The following FSD1L variants were observed in gnomAD, a reference collection of about 807,000 sequenced individuals.
FSD1L encodes the protein FSD1-like protein.
A neutral mutation model predicts 71.6 loss-of-function variants in FSD1L; 45 were observed. The ratio of observed to expected loss-of-function variants is 0.63; its 90% confidence interval spans 0.49 to 0.81. The LOEUF is 0.81. FSD1L is among the 30% of genes least tolerant of loss of function. FSD1L has a pLI of 0.00. For synonymous variants in FSD1L, 197 were observed against 207.2 expected, an observed-to-expected ratio of 0.95 and a Z score of 0.42; for missense variants, 561 against 618.1, an observed-to-expected ratio of 0.91 and a Z score of 0.98.
At chr9:105,520,254 G>A (rs1022940291) in intron 10 of FSD1L, 83 of 1,602,516 alleles carry the variant, frequency 5.2e-5, no homozygotes, top group Non-Finnish European at 6.6e-5. Context: ...GGAACTGGCT[G>A]AAGAAGATGC....
chr9:105,452,673 T>TGCCTGCCTGCCTGCCTG (rs1564073401), intron 1 of FSD1L, among the ~76,000 whole-genome samples: 10 of 79,716 alleles, frequency 1.3e-4, no homozygotes, highest in African/African-American at 6.4e-4. Context: ...CTGCCTGCCT[T>TGCCTGCCTGCCTGCCTG]CCTTCCTTCC....
intron 13 of FSD1L, among the ~76,000 whole-genome samples, chr9:105,542,272 G>C (rs553689167): frequency 2.6e-5 from 4 of 152,232 alleles, no homozygotes; most frequent in African/African-American, 9.6e-5. Flanking sequence ...GATATTACCA[G>C]ATTTTTTGTT....
chr9:105,533,414 A>ATTT (rs1271918066), intron 10 of FSD1L, among the ~76,000 whole-genome samples: 4 of 13,374 alleles, frequency 3.0e-4, no homozygotes, highest in Non-Finnish European at 5.1e-4. Flanking sequence ...TGCCATTTCC[A>ATTT]TCTTTTTTTT....
intron 8 of FSD1L, among the ~76,000 whole-genome samples, chr9:105,508,174 CTTTTTTTTTTTTT>C (rs11320443): frequency 2.0e-5 from 2 of 100,478 alleles, no homozygotes; most frequent in African/African-American, 4.2e-5. Flanking sequence ...ACATATCACT[CTTTTTTTTTTTTT>C]TTTTTTTTGA....
At chr9:105,513,681 G>A (rs1213549468) in intron 10 of FSD1L, 3 of 1,423,602 alleles carry the variant, frequency 2.1e-6, no homozygotes, top group South Asian at 1.3e-5. Flanking sequence ...ATCTAGCTTG[G>A]CTGATTAAAA....
chr9:105,513,161 A>G (rs893986289), intron 10 of FSD1L, among the ~76,000 whole-genome samples: 1 of 152,008 alleles, frequency 6.6e-6, no homozygotes, highest in African/African-American at 2.4e-5. Context: ...ACACATTTTC[A>G]TTTCAGTATT....
chr9:105,535,518 G>C (rs1396250389), intron 12 of FSD1L, among the ~76,000 whole-genome samples, 200 bp downstream of exon 12: 1 of 151,998 alleles, frequency 6.6e-6, no homozygotes, highest in East Asian at 1.9e-4. Flanking sequence ...CCCTATAAAA[G>C]CACTCATTTA....
At chr9:105,497,440 G>A (rs939353911) in intron 7 of FSD1L, among the ~76,000 whole-genome samples, 2 of 152,206 alleles carry the variant, frequency 1.3e-5, no homozygotes, top group African/African-American at 2.4e-5. Context: ...GAGAGTTAGT[G>A]TACTTTTGTC....
chr9:105,539,443 G>A, intron 13 of FSD1L, 92 bp downstream of exon 13: 1 of 466,826 alleles, frequency 2.1e-6, no homozygotes, highest in Non-Finnish European at 3.6e-6. Flanking sequence ...TTTGGAGAAG[G>A]AGAATATTTT....
chr9:105,495,837 T>TAGTGATGGGCGC, intron 7 of FSD1L, among the ~76,000 whole-genome samples: 1 of 152,048 alleles, frequency 6.6e-6, no homozygotes, highest in Non-Finnish European at 1.5e-5. Context: ...TAGCTGGGCG[T>TAGTGATGGGCGC]AGTGATGGGC....
chr9:105,551,363 G>A lies in FSD1L; in HGVS notation c.*4880G>A, dbSNP rs556343990. The A allele has an allele frequency of 2.6e-5, 4 of 151,738 alleles. No homozygotes were observed. The highest frequency in any genetic ancestry group is 4.2e-4 in the South Asian group (2 of 4,788). The allele number at this position is 151,738 out of a possible 1,614,324, so 9.4% of individuals were successfully genotyped here. ...TCTACCATATACTAGATCTGTGACCGCTACACAAATTGTTTATCATCTTTG... is the reference window on the plus strand; with the variant it reads ...TCTACCATATACTAGATCTGTGACCACTACACAAATTGTTTATCATCTTTG... On this transcript the variant is annotated 3_prime_UTR_variant, in exon 14 of 14. Transcript: ENST00000481272.
intron 7 of FSD1L, among the ~76,000 whole-genome samples, chr9:105,487,825 A>G (rs1832655143): frequency 6.6e-6 from 1 of 152,196 alleles, no homozygotes; most frequent in Non-Finnish European, 1.5e-5. Flanking sequence ...GCAAGATTGT[A>G]AAAATACACA....
chr9:105,502,883 GA>G (rs1005697656), intron 7 of FSD1L, among the ~76,000 whole-genome samples: 1 of 142,624 alleles, frequency 7.0e-6, no homozygotes, highest in African/African-American at 2.6e-5. Flanking sequence ...ACTGTAATAA[GA>G]TTTTTTTTTT....
chr9:105,514,306 A>G (rs952306951), intron 10 of FSD1L, among the ~76,000 whole-genome samples: 2 of 152,220 alleles, frequency 1.3e-5, no homozygotes, highest in African/African-American at 2.4e-5. Context: ...AGTAGACTAC[A>G]TATTTATGAT....
At chr9:105,481,159 G>C (rs1297060471) in intron 6 of FSD1L, among the ~76,000 whole-genome samples, 5 of 133,486 alleles carry the variant, frequency 3.7e-5, no homozygotes, top group Non-Finnish European at 8.0e-5. Flanking sequence ...GTGTGTGTGT[G>C]TGTGTGTGTG....
upstream of FSD1L, among the ~76,000 whole-genome samples, chr9:105,446,474 C>T (rs1829650231): frequency 6.6e-6 from 1 of 152,092 alleles, no homozygotes; most frequent in Non-Finnish European, 1.5e-5. Flanking sequence ...AAGTGATCCT[C>T]CCGCTTCAGC....
chr9:105,538,658 C>T (rs1005813160), intron 12 of FSD1L, among the ~76,000 whole-genome samples: 12 of 152,220 alleles, frequency 7.9e-5, no homozygotes, highest in African/African-American at 2.9e-4. Context: ...CAAAGCAGGT[C>T]AGGCATAGTG....
chr9:105,464,694 C>T (rs141690817), intron 3 of FSD1L, among the ~76,000 whole-genome samples: 11 of 152,068 alleles, frequency 7.2e-5, no homozygotes, highest in South Asian at 4.2e-4. Context: ...ATTTTGGCTA[C>T]GTGTGATGGC....
At chr9:105,485,206 G>A (rs976417143) in intron 7 of FSD1L, among the ~76,000 whole-genome samples, 1 of 152,176 alleles carries the variant, frequency 6.6e-6, no homozygotes, top group Non-Finnish European at 1.5e-5. Flanking sequence ...AAAGAAAAGA[G>A]GTTCTCTAGG....
Sources: gnomAD v4.1 joint callset for allele counts (sites outside exome capture counted in the v4.1 genomes callset) on GRCh38, gnomAD v4.1.1 for gene constraint, MANE v1.5 for transcripts, NCBI Gene and HGNC (gene_info 2026-07-23, HGNC 2026-07-21) for gene names.